PAOX: variants seen among roughly 807,000 people sequenced by gnomAD.
PAOX encodes peroxisomal N(1)-acetyl-spermine/spermidine oxidase.
In PAOX, 38 loss-of-function variants were observed where a neutral mutation model predicts 39.0. The observed-to-expected ratio is 0.97, with a 90% CI of 0.75 to 1.28. The LOEUF (loss-of-function observed/expected upper bound fraction) is 1.28, where lower values mean the gene tolerates loss of function less well. Ranked by LOEUF, PAOX falls within the 50% of genes most tolerant of loss-of-function variation. The pLI is 0.00. For synonymous variants in PAOX, 311 were observed against 314.4 expected, an observed-to-expected ratio of 0.99 and a Z score of 0.11; for missense variants, 667 against 685.7, an observed-to-expected ratio of 0.97 and a Z score of 0.30.
rs763539864 is a variant in PAOX, at chr10:133,384,047, C to A, written c.956C>A (p.Thr319Asn). 1 of 1,614,182 alleles carries A rather than the reference C, an allele frequency of 6.2e-7. No individual in the cohort carries two copies. Among genetic ancestry groups the A allele is most frequent in the Non-Finnish European group, 8.5e-7 (1 of 1,180,012 alleles). ...AEAIRKIGFG[T>N]NNKIFLEFEE... The stretch of plus-strand genomic sequence containing the variant: ...GCAATCAGGAAGATAGGCTTTGGGA[C>A]CAACAACAAAATCTTCCTGGAGTTT... The change falls in exon 4 of 7, where the codon ACC becomes AAC. Residue 319 changes from threonine (T) to asparagine (N), a missense_variant. By Grantham distance (65) the Thr-to-Asn change is moderately conservative. Transcript: ENST00000278060. The surrounding 1 kb of genome is among the most constrained non-coding windows in gnomAD (Gnocchi z 4.3).
chr10:133,389,178 T>C, intron 5 of PAOX, 110 bp downstream of exon 5: 1 of 855,470 alleles, frequency 1.2e-6, no homozygotes, highest in Admixed American at 1.8e-5. Flanking sequence ...GCTGACTCTG[T>C]ACATCTCCAG....
In PAOX at chr10:133,380,086, T is replaced by G. The variant is rs1041527751; in HGVS notation, c.269T>G (p.Leu90Arg). 3 of 1,550,786 alleles carry G rather than the reference T, an allele frequency of 1.9e-6. No individual in the cohort carries two copies. Among genetic ancestry groups the G allele is most frequent in the Admixed American group, 1.9e-5 (1 of 53,112 alleles). ...CAGCTGGCTGCTGAGTACGGGCTGCTGGGGGAGAAGGAGCTGTCCCAGGAG... is the reference window on the plus strand; with the variant it reads ...CAGCTGGCTGCTGAGTACGGGCTGCGGGGGGAGAAGGAGCTGTCCCAGGAG... ...VFQLAAEYGL[L>R]GEKELSQENQ... Residue 90 changes from leucine to arginine, a missense_variant, in exon 2 of 7, where the codon CTG (leucine) becomes CGG (arginine). Transcript: ENST00000278060.
chr10:133,382,804 TCTG>T (rs983368848), intron 3 of PAOX: 1 of 150,132 alleles, frequency 6.7e-6, no homozygotes, highest in African/African-American at 2.5e-5. Flanking sequence ...AAACCAAAAA[TCTG>T]CTGCTCAGTT....
chr10:133,391,462 C>G lies in PAOX; in HGVS notation c.*7C>G, dbSNP rs903635498. ...GCCCAGGCCCAGGCTCTAGCTGGGC[C>G]CAGCCTACTCTGTTCCACCCGTGTC... is the stretch of plus-strand genomic sequence containing the variant. On this transcript the variant is annotated 3_prime_UTR_variant, in exon 7 of 7. Transcript: ENST00000278060. 2 of 1,609,616 alleles carry G rather than the reference C, an allele frequency of 1.2e-6. No homozygotes were observed. Among genetic ancestry groups the G allele is most frequent in the African/African-American group, 2.7e-5 (2 of 74,818 alleles).
In PAOX at chr10:133,380,179, G is replaced by C. The variant is rs1564809538; in HGVS notation, c.362G>C (p.Ser121Thr). The C allele has an allele frequency of 6.2e-7, 1 of 1,611,852 alleles. No individual in the cohort carries two copies. Among genetic ancestry groups the C allele is most frequent in the East Asian group, 2.2e-5 (1 of 44,862 alleles). Reference sequence around the variant, plus strand: ...GTGAGCTACGCCAGCTCCGGGGCCAGCGTGAGCCTCCAGCTGGTGGCGGAG... The same window carrying C: ...GTGAGCTACGCCAGCTCCGGGGCCACCGTGAGCCTCCAGCTGGTGGCGGAG... Reference protein sequence around the residue: ...PSVSYASSGASVSLQLVAEMA... With the variant: ...PSVSYASSGATVSLQLVAEMA... Residue 121 changes from serine (S) to threonine (T), a missense_variant, in exon 2 of 7, where the codon AGC (serine) becomes ACC (threonine). Ser to Thr is a moderately conservative substitution (Grantham distance 58). Transcript: ENST00000278060.
intron 4 of PAOX, among the ~76,000 whole-genome samples, chr10:133,387,792 C>A (rs975547429): frequency 1.3e-5 from 2 of 152,238 alleles, no homozygotes; most frequent in African/African-American, 4.8e-5. Context: ...GCGATCTTGG[C>A]TCACCGCAAC....
At chr10:133,381,898 A>G (rs559646096) in intron 3 of PAOX, among the ~76,000 whole-genome samples, 1 of 152,286 alleles carries the variant, frequency 6.6e-6, no homozygotes, top group East Asian at 1.9e-4. Context: ...GCTTGGAGGT[A>G]ACCGTTTAGG....
At chr10:133,387,732 A>AT (rs1849564549) in intron 4 of PAOX, among the ~76,000 whole-genome samples, 1 of 152,094 alleles carries the variant, frequency 6.6e-6, no homozygotes, top group Non-Finnish European at 1.5e-5. Context: ...GATTATTATT[A>AT]TTTTTTGAGA....
At chr10:133,387,377 G>A (rs1219972481) in intron 4 of PAOX, among the ~76,000 whole-genome samples, 1 of 152,182 alleles carries the variant, frequency 6.6e-6, no homozygotes, top group African/African-American at 2.4e-5. Flanking sequence ...ACATACCACT[G>A]ATCTCAGAAA....
chr10:133,379,801 C>A lies in PAOX; in HGVS notation c.182-198C>A, dbSNP rs1849302499. On this transcript the variant is annotated intron_variant, in intron 1 of 6. Coordinates refer to ENST00000278060, the MANE Select transcript of PAOX (RefSeq NM_152911.4). ...CGCCCCTCCCTCTGGTCCACACCGCCCGACAAGTGCCCTCCTGCCCAGGTG... is the reference window on the plus strand; with the variant it reads ...CGCCCCTCCCTCTGGTCCACACCGCACGACAAGTGCCCTCCTGCCCAGGTG... 3 of 682,574 alleles carry A rather than the reference C, an allele frequency of 4.4e-6. No homozygotes were observed. In the South Asian group the frequency reaches 1.0e-4, roughly 24 times the overall value. The allele number at this position is 682,574 out of a possible 1,614,324, so 42.3% of individuals were successfully genotyped here. A position where few individuals can be genotyped will look rare whatever the true frequency, so the allele number is the denominator to read the frequency against.
chr10:133,388,875 T>C (rs57719627), intron 4 of PAOX, 81 bp from the exon 5 acceptor site: 74,096 of 651,612 alleles, frequency 0.11, 5,863 homozygotes, highest in Admixed American at 0.15. Flanking sequence ...GGGCTCTCTT[T>C]CTCCATGCAG....
intron 3 of PAOX, among the ~76,000 whole-genome samples, chr10:133,381,891 T>C (rs1247457766): frequency 6.6e-6 from 1 of 152,184 alleles, no homozygotes; most frequent in Non-Finnish European, 1.5e-5. Context: ...CCTGCTCGCT[T>C]GGAGGTAACC....
chr10:133,391,530 C>A lies in PAOX; in HGVS notation c.*75C>A. 6.6e-7 allele frequency: 1 copy of A among 1,519,546 alleles called. No individual in the cohort carries two copies. Among genetic ancestry groups the A allele is most frequent in the African/African-American group, 1.4e-5 (1 of 71,850 alleles). 94.1% of individuals were successfully genotyped at this position (1,519,546 alleles called of 1,614,324 possible). On this transcript the variant is annotated 3_prime_UTR_variant, in exon 7 of 7. Coordinates refer to ENST00000278060, the MANE Select transcript of PAOX (RefSeq NM_152911.4). ...CTCATTTCTTCTGACAGATTTCAGT[C>A]TGGCTTGAAATTTGGGGATGTTAAT...
At position 133,390,410 on chromosome 10, in the gene PAOX, CCACACACACACACACA is replaced by C. The variant is rs59249557; in HGVS notation, c.1392+684_1392+699del. 4.1e-5 allele frequency among the ~76,000 whole-genome samples: 6 copies of C among 145,430 alleles called. No individual in the cohort carries two copies. In the South Asian group the frequency reaches 6.9e-4, roughly 17 times the overall value. On this transcript the variant is annotated intron_variant, in intron 6 of 6. Transcript: ENST00000278060. ...TGGGCAACATAGTGAGAGTCGGTCT[CCACACACACACACACA>C]CACACACACACACACACACAAGTAG... is the stretch of plus-strand genomic sequence containing the variant.
Position 133,381,586 on chromosome 10 carries a change from C to A in PAOX, c.795C>A (p.Thr265=), listed in dbSNP as rs1849382498. Residue 265 remains threonine, a synonymous_variant, in exon 3 of 7, where the codon ACC becomes ACA. Transcript: ENST00000278060. ...SFQEAAFPGE[T]FPVSVECEDG... ...AGGAGGCAGCCTTTCCCGGGGAGAC[C>A]TTTCCAGTGTCGGTAGAGTGTGAGG... is the stretch of plus-strand genomic sequence containing the variant. 1 of 1,613,618 alleles carries A rather than the reference C, an allele frequency of 6.2e-7. No homozygotes were observed. Among genetic ancestry groups the A allele is most frequent in the Non-Finnish European group, 8.5e-7 (1 of 1,180,024 alleles).
chr10:133,388,993 G>C lies in PAOX; in HGVS notation c.1159G>C (p.Glu387Gln). ...TCTCTGTGGGTTCATTGCCGGACTT[G>C]AGTCTGAGTTCATGGAGACTCTGTC... is the stretch of plus-strand genomic sequence containing the variant. ...HVLCGFIAGL[E>Q]SEFMETLSDE... Residue 387 changes from glutamate to glutamine, a missense_variant, in exon 5 of 7, where the codon GAG becomes CAG. By Grantham distance (29) the Glu-to-Gln change is conservative. Coordinates refer to ENST00000278060, the MANE Select transcript of PAOX (RefSeq NM_152911.4). The C allele has an allele frequency of 6.2e-7, 1 of 1,614,108 alleles. No individual in the cohort carries two copies. Among genetic ancestry groups the C allele is most frequent in the Non-Finnish European group, 8.5e-7 (1 of 1,180,010 alleles).
chr10:133,388,907 CT>C (rs1405215373), intron 4 of PAOX, 48 bp from the exon 5 acceptor site: 3 of 857,578 alleles, frequency 3.5e-6, no homozygotes, highest in African/African-American at 1.7e-5. Flanking sequence ...CCAGGGCTCT[CT>C]TTCTCCATGC....
chr10:133,388,678 G>A (rs1308282919), intron 4 of PAOX, among the ~76,000 whole-genome samples: 1 of 152,180 alleles, frequency 6.6e-6, no homozygotes, highest in Admixed American at 6.5e-5. Context: ...CAGGGCCTTC[G>A]GACCCCCAGG....
Position 133,391,491 on chromosome 10 carries a change from G to A in PAOX, c.*36G>A, listed in dbSNP as rs1448773981. On this transcript the variant is annotated 3_prime_UTR_variant, in exon 7 of 7. Coordinates refer to ENST00000278060, the MANE Select transcript of PAOX (RefSeq NM_152911.4). ...CCTACTCTGTTCCACCCGTGTCGGGGGTAGGCTGGGACCCTCATTTCTTCT... is the reference window on the plus strand; with the variant it reads ...CCTACTCTGTTCCACCCGTGTCGGGAGTAGGCTGGGACCCTCATTTCTTCT... 1 of 1,573,962 alleles carries A rather than the reference G, an allele frequency of 6.4e-7. No homozygotes were observed. Among genetic ancestry groups the A allele is most frequent in the South Asian group, 1.2e-5 (1 of 86,412 alleles).
Sources: gnomAD v4.1 joint callset for allele counts (sites outside exome capture counted in the v4.1 genomes callset) on GRCh38, gnomAD v4.1.1 for gene constraint, Gnocchi (gnomAD v3.1) non-coding constraint, MANE v1.5 for transcripts, NCBI Gene and HGNC (gene_info 2026-07-23, HGNC 2026-07-21) for gene names.